KDM5A: variants seen among roughly 807,000 people sequenced by gnomAD.
KDM5A encodes lysine-specific demethylase 5A.
A neutral mutation model predicts 193.5 loss-of-function variants in KDM5A; 42 were observed. The observed-to-expected ratio is 0.22, with a 90% CI of 0.17 to 0.28. The LOEUF (loss-of-function observed/expected upper bound fraction) is 0.28. Among genes scored for constraint, KDM5A ranks in the 10% least tolerant of loss-of-function variants. The pLI is 1.00. For missense variants in KDM5A, 1,692 were observed against 2,055.1 expected (o/e 0.82, Z 3.42); for synonymous variants, 796 against 718.1 (o/e 1.11, Z -1.73).
At chr12:360,111 A>G (rs1944277121) in intron 5 of KDM5A, among the ~76,000 whole-genome samples, 1 of 152,100 alleles carries the variant, frequency 6.6e-6, no homozygotes, top group Admixed American at 6.5e-5. Flanking sequence ...TGTCTCTACT[A>G]AAAATATAAA....
chr12:323,135 G>C lies in KDM5A; in HGVS notation c.2222C>G (p.Thr741Ser). The change falls in exon 16 of 28, where the codon ACT (threonine) becomes AGT (serine). Residue 741 changes from threonine to serine, a missense_variant. Thr to Ser is a moderately conservative substitution (Grantham distance 58). Around this residue, in one of 11 missense-constraint regions of KDM5A, gnomAD observed 965 missense variants for 1,061.0 expected, o/e 0.91. Coordinates refer to ENST00000399788, the MANE Select transcript of KDM5A (RefSeq NM_001042603.3). ...TGCTTCTGTAACACGACTGACCCAA[G>C]TGTCATAGGACTGTGCCCTGACTTT... ...GVKVRAQSYD[T>S]WVSRVTEALS... is the part of the protein sequence containing the mutation. The C allele has an allele frequency of 7.0e-7, 1 of 1,434,588 alleles. No homozygotes were observed. The highest frequency in any genetic ancestry group is 9.3e-7 in the Non-Finnish European group (1 of 1,070,346). 88.9% of individuals were successfully genotyped at this position (1,434,588 alleles called of 1,614,324 possible).
chr12:313,270 C>A lies in KDM5A; in HGVS notation c.2898-76G>T. 4 of 1,516,460 alleles carry A rather than the reference C, an allele frequency of 2.6e-6. 1 individual carries two copies. Among genetic ancestry groups the A allele is most frequent in the Non-Finnish European group, 3.6e-6 (4 of 1,096,802 alleles). 93.9% of individuals were successfully genotyped at this position (1,516,460 alleles called of 1,614,324 possible). A position where few individuals can be genotyped will look rare whatever the true frequency, so the allele number is the denominator to read the frequency against. ...GTAACATTTCAGAATGTTTAGAGAA[C>A]TTTCATTTACATGATTTCACTGAAT... On this transcript the variant is annotated intron_variant, in intron 19 of 27. Transcript: ENST00000399788.
At chr12:387,659 T>C (rs758516529) in intron 1 of KDM5A, among the ~76,000 whole-genome samples, 2 of 152,276 alleles carry the variant, frequency 1.3e-5, no homozygotes. Context: ...AGGTTCAAAA[T>C]ACACTTTGCC....
chr12:374,202 T>C (rs1471668739), intron 3 of KDM5A, among the ~76,000 whole-genome samples: 1 of 152,192 alleles, frequency 6.6e-6, no homozygotes, highest in South Asian at 2.1e-4. Context: ...CCCATTATCA[T>C]TGTGTGGGAG....
intron 5 of KDM5A, among the ~76,000 whole-genome samples, chr12:361,577 T>A (rs1406610936): frequency 6.6e-6 from 1 of 152,062 alleles, no homozygotes; most frequent in Non-Finnish European, 1.5e-5. Context: ...TCAAAAAAAA[T>A]TTCATCACAA....
chr12:344,075 C>A (rs1342787258), intron 10 of KDM5A, among the ~76,000 whole-genome samples: 1 of 152,156 alleles, frequency 6.6e-6, no homozygotes, highest in Non-Finnish European at 1.5e-5. Context: ...CCTTAAATGA[C>A]CTGATGGAGC....
At chr12:385,132 G>T (rs1021572781) in intron 2 of KDM5A, among the ~76,000 whole-genome samples, 1 of 148,756 alleles carries the variant, frequency 6.7e-6, no homozygotes, top group Non-Finnish European at 1.5e-5. Context: ...GCAGTGAGCC[G>T]AGATCGCACC....
chr12:356,300 GCCTAGGAA>G (rs1208121438), intron 6 of KDM5A, 124 bp downstream of exon 6: 2 of 687,852 alleles, frequency 2.9e-6, no homozygotes, highest in Admixed American at 2.2e-5. Context: ...AAGGCGATTT[GCCTAGGAA>G]CCACATTGCG....
chr12:302,920 T>G (rs377349142), intron 24 of KDM5A, among the ~76,000 whole-genome samples: 2 of 152,176 alleles, frequency 1.3e-5, no homozygotes, highest in East Asian at 3.9e-4. Context: ...GAAAAAATGC[T>G]CATCATCACT....
intron 20 of KDM5A, 91 bp downstream of exon 20, chr12:312,965 A>T: frequency 7.3e-7 from 1 of 1,363,344 alleles, no homozygotes; most frequent in Non-Finnish European, 1.0e-6. Flanking sequence ...TTGTATTATG[A>T]TTATTCTATT....
At chr12:367,465 G>C (rs1229787923) in intron 3 of KDM5A, among the ~76,000 whole-genome samples, 1 of 152,170 alleles carries the variant, frequency 6.6e-6, no homozygotes, top group Non-Finnish European at 1.5e-5. Context: ...GGGAGGCAGA[G>C]CTGGGCAAAT....
intron 19 of KDM5A, among the ~76,000 whole-genome samples, chr12:317,167 T>C (rs1943659864): frequency 2.6e-5 from 4 of 152,204 alleles, no homozygotes; most frequent in Admixed American, 2.6e-4. Flanking sequence ...ATTCTCCTCC[T>C]GCCTGATTCT....
chr12:287,429 A>G (rs1033823463), intron 27 of KDM5A, among the ~76,000 whole-genome samples: 2 of 151,928 alleles, frequency 1.3e-5, no homozygotes, highest in Admixed American at 1.3e-4. Flanking sequence ...TTGATTGTTT[A>G]GCTTCTGAAG....
intron 10 of KDM5A, among the ~76,000 whole-genome samples, chr12:335,068 A>T (rs1943911950): frequency 2.6e-5 from 4 of 152,222 alleles, no homozygotes; most frequent in Admixed American, 2.6e-4. Context: ...ATCACTCCTA[A>T]CCATTATACA....
chr12:344,663 A>G (rs1944047937), intron 10 of KDM5A, among the ~76,000 whole-genome samples: 1 of 152,208 alleles, frequency 6.6e-6, no homozygotes, highest in South Asian at 2.1e-4. Context: ...AGCCAGCCAA[A>G]CTAAGCCTCA....
At chr12:342,494 C>G (rs1429564268) in intron 10 of KDM5A, among the ~76,000 whole-genome samples, 6 of 151,966 alleles carry the variant, frequency 3.9e-5, no homozygotes, top group Non-Finnish European at 8.8e-5. Flanking sequence ...GAGTCTTGCT[C>G]TGTCGCCCAG....
chr12:366,705 G>A (rs1289495085), intron 3 of KDM5A, among the ~76,000 whole-genome samples: 1 of 151,100 alleles, frequency 6.6e-6, no homozygotes, highest in Admixed American at 6.6e-5. Flanking sequence ...GGTAGAAAAC[G>A]ATGAGATAAA....
Position 354,062 on chromosome 12 carries a change from G to C in KDM5A, c.1029+14C>G, listed in dbSNP as rs1265186009. The C allele has an allele frequency of 6.2e-7, 1 of 1,608,082 alleles. No individual in the cohort carries two copies. Among genetic ancestry groups the C allele is most frequent in the Non-Finnish European group, 8.5e-7 (1 of 1,174,654 alleles). On this transcript the variant is annotated intron_variant, in intron 8 of 27. Transcript: ENST00000399788. ...TTTTAGTTAAAAAAGGATCCATAGA[G>C]GTTAGACGTGTACCTCGGCGACACA...
intron 5 of KDM5A, among the ~76,000 whole-genome samples, chr12:358,188 A>G (rs927030341): frequency 6.6e-6 from 1 of 152,216 alleles, no homozygotes; most frequent in African/African-American, 2.4e-5. Context: ...GATTAACCAT[A>G]TTCTCTGAAT....
Sources: allele counts gnomAD v4.1 joint callset (sites outside exome capture counted in the v4.1 genomes callset), GRCh38; gene constraint gnomAD v4.1.1; regional missense constraint gnomAD v4.1.1; transcripts MANE v1.5; gene names NCBI Gene and HGNC (gene_info 2026-07-23, HGNC 2026-07-21).